The following CSMD3 variants were observed in gnomAD, a reference collection of about 807,000 sequenced individuals.
CSMD3 encodes CUB and Sushi multiple domains 3, also known as CUB and sushi domain-containing protein 3.
A neutral mutation model predicts 435.2 loss-of-function variants in CSMD3; 177 were observed. The ratio of observed to expected loss-of-function variants is 0.41; its 90% CI spans 0.36 to 0.46. CSMD3 has a LOEUF of 0.46. CSMD3 is among the 20% of genes least tolerant of loss of function. The pLI is 0.34. For missense variants in CSMD3, 4,265 were observed against 4,504.6 expected (o/e 0.95, Z 1.52); for synonymous variants, 1,656 against 1,520.5 (o/e 1.09, Z -2.07).
intron 13 of CSMD3, among the ~76,000 whole-genome samples, chr8:112,692,970 TATC>T (rs1296869340): frequency 3.7e-5 from 5 of 134,042 alleles, no homozygotes; most frequent in South Asian, 5.0e-4. Flanking sequence ...TCTATCTATC[TATC>T]GAGAGAAAAT....
chr8:113,112,535 T>C (rs1006170143), intron 4 of CSMD3, among the ~76,000 whole-genome samples: 1 of 149,380 alleles, frequency 6.7e-6, no homozygotes, highest in African/African-American at 2.5e-5. Context: ...TTGCTCTTTA[T>C]TTTGTGTTGC....
At chr8:112,443,945 G>A (rs1179515292) in intron 32 of CSMD3, among the ~76,000 whole-genome samples, 1 of 151,998 alleles carries the variant, frequency 6.6e-6, no homozygotes, top group Non-Finnish European at 1.5e-5. Context: ...TATAAAGTAG[G>A]TACAATATCT....
intron 35 of CSMD3, among the ~76,000 whole-genome samples, chr8:112,396,574 C>T (rs1264105076): frequency 1.3e-5 from 2 of 152,054 alleles, no homozygotes; most frequent in Non-Finnish European, 2.9e-5. Flanking sequence ...AAGTATGGAC[C>T]TTGGACTTGG....
At chr8:112,692,094 C>G (rs548822322) in intron 13 of CSMD3, among the ~76,000 whole-genome samples, 1 of 152,138 alleles carries the variant, frequency 6.6e-6, no homozygotes, top group African/African-American at 2.4e-5. Flanking sequence ...TGAGCCACTG[C>G]GCCCGGCAAA....
intron 13 of CSMD3, among the ~76,000 whole-genome samples, chr8:112,796,067 C>G (rs1002865379): frequency 6.6e-6 from 1 of 151,978 alleles, no homozygotes; most frequent in Non-Finnish European, 1.5e-5. Flanking sequence ...TTGATGTGTA[C>G]CTGATGAGCT....
chr8:112,301,540 T>G (rs1820919974), intron 53 of CSMD3, among the ~76,000 whole-genome samples: 1 of 152,094 alleles, frequency 6.6e-6, no homozygotes, highest in African/African-American at 2.4e-5. Flanking sequence ...CAGCAATTAG[T>G]TTTCACCATT....
In CSMD3 at chr8:112,265,443, C is replaced by T. The variant is rs1031840157; in HGVS notation, c.9656G>A (p.Gly3219Asp). The change falls in exon 60 of 71, where the codon GGC becomes GAC. Residue 3219 changes from glycine (G) to aspartate (D), a missense_variant. Gly to Asp is a moderately conservative substitution (Grantham distance 94). Around this residue, in one of 3 missense-constraint regions of CSMD3, gnomAD observed 3,255 missense variants for 3,380.2 expected, o/e 0.96. Coordinates refer to ENST00000297405, the MANE Select transcript of CSMD3 (RefSeq NM_198123.2). ...GSRIRTCTIN[G>D]TWSGVMPTCR... ...AGTTGGCATTACTCCACTCCATGTG[C>T]CATTAATTGTACAAGTCCTGATTCT... 3 of 1,613,622 alleles carry T rather than the reference C, an allele frequency of 1.9e-6. No homozygotes were observed. Among genetic ancestry groups the T allele is most frequent in the Non-Finnish European group, 2.5e-6 (3 of 1,179,658 alleles).
intron 13 of CSMD3, among the ~76,000 whole-genome samples, chr8:112,748,948 C>T (rs2077503746): frequency 6.6e-6 from 1 of 152,130 alleles, no homozygotes; most frequent in Admixed American, 6.5e-5. Flanking sequence ...CTTATTTACA[C>T]TCCCATCAAC....
rs1396575183 is a variant in CSMD3 at position 113,233,576 on chromosome 8, A to G, written c.514+45016T>C. On this transcript the variant is annotated intron_variant, in intron 3 of 70. Transcript: ENST00000297405. ...AGAAGCTAGATATTAACTCCACTAT[A>G]TAGATAATTAAATGTAAACAGACTA... is the stretch of plus-strand genomic sequence containing the variant. Among the ~76,000 whole-genome samples, 11 of 151,596 alleles carry G rather than the reference A, an allele frequency of 7.3e-5. No individual in the cohort carries two copies. In the East Asian group the frequency reaches 2.1e-3, roughly 29 times the overall value.
At chr8:113,032,032 C>A (rs1235396223) in intron 5 of CSMD3, among the ~76,000 whole-genome samples, 2 of 151,616 alleles carry the variant, frequency 1.3e-5, no homozygotes, top group Non-Finnish European at 2.9e-5. Flanking sequence ...GATAGTAAGT[C>A]TCCTGAGGCC....
chr8:112,355,837 A>T (rs559820003), intron 38 of CSMD3, among the ~76,000 whole-genome samples: 2 of 152,198 alleles, frequency 1.3e-5, no homozygotes, highest in African/African-American at 4.8e-5. Flanking sequence ...TGTCAAAAAA[A>T]ATAAATAGAT....
At chr8:112,426,861 C>T (rs1400220416) in intron 32 of CSMD3, among the ~76,000 whole-genome samples, 1 of 152,144 alleles carries the variant, frequency 6.6e-6, no homozygotes, top group Non-Finnish European at 1.5e-5. Flanking sequence ...AAAATAAAAT[C>T]AGAAATGCTA....
intron 13 of CSMD3, among the ~76,000 whole-genome samples, chr8:112,773,729 A>G (rs2078177969): frequency 6.6e-6 from 1 of 152,068 alleles, no homozygotes; most frequent in South Asian, 2.1e-4. Context: ...AGGACTGGGA[A>G]AGTTTTGGCA....
intron 4 of CSMD3, among the ~76,000 whole-genome samples, chr8:113,165,873 G>A (rs978845721): frequency 1.3e-5 from 2 of 152,030 alleles, no homozygotes; most frequent in East Asian, 3.9e-4. Context: ...AATGCAAAAT[G>A]GGGAACATAA....
intron 11 of CSMD3, among the ~76,000 whole-genome samples, chr8:112,833,060 A>G (rs145767515): frequency 9.9e-5 from 15 of 152,214 alleles, no homozygotes; most frequent in Non-Finnish European, 1.9e-4. Flanking sequence ...TATTTTTATT[A>G]TTGCTATAAG....
intron 10 of CSMD3, among the ~76,000 whole-genome samples, chr8:112,914,451 G>C (rs760588658): frequency 4.6e-5 from 7 of 151,614 alleles, no homozygotes; most frequent in Non-Finnish European, 1.0e-4. Flanking sequence ...ATTGCTATTT[G>C]TTTGGGATGT....
chr8:112,926,655 T>C (rs1179779477), intron 9 of CSMD3, among the ~76,000 whole-genome samples: 3 of 152,132 alleles, frequency 2.0e-5, no homozygotes, highest in Non-Finnish European at 4.4e-5. Context: ...TTTTTCAAAA[T>C]ACACAAATTT....
chr8:113,027,294 C>T (rs755664072), intron 5 of CSMD3, among the ~76,000 whole-genome samples: 1 of 152,016 alleles, frequency 6.6e-6, no homozygotes, highest in African/African-American at 2.4e-5. Context: ...AACAAGAATG[C>T]ATTTTATAGT....
intron 13 of CSMD3, among the ~76,000 whole-genome samples, chr8:112,722,359 T>C (rs1044312857): frequency 6.9e-4 from 105 of 152,272 alleles, no homozygotes; most frequent in African/African-American, 2.5e-3. Flanking sequence ...GATTGTACAG[T>C]AGATAACATT....
Sources: gnomAD v4.1 joint callset for allele counts (sites outside exome capture counted in the v4.1 genomes callset) on GRCh38, gnomAD v4.1.1 for gene constraint, gnomAD v4.1.1 regional missense constraint, MANE v1.5 for transcripts, NCBI Gene and HGNC (gene_info 2026-07-23, HGNC 2026-07-21) for gene names.